Variants in MYT1L observed in about 807,000 individuals in gnomAD.
The protein encoded by MYT1L is myelin transcription factor 1 like.
A neutral mutation model predicts 126.7 loss-of-function variants in MYT1L; 12 were observed. That is an observed-to-expected ratio of 0.09 (90% CI 0.06 to 0.15). MYT1L has a LOEUF of 0.15. Among genes scored for constraint, MYT1L ranks in the 10% least tolerant of loss-of-function variants. MYT1L has a pLI of 1.00. For missense variants in MYT1L, 979 were observed against 1,585.2 expected, an observed-to-expected ratio of 0.62 and a Z score of 6.49; for synonymous variants, 541 against 604.2, an observed-to-expected ratio of 0.90 and a Z score of 1.53.
At chr2:2,012,991 A>T (rs2063985944) in intron 4 of MYT1L, among the ~76,000 whole-genome samples, 1 of 152,208 alleles carries the variant, frequency 6.6e-6, no homozygotes, top group Non-Finnish European at 1.5e-5. Context: ...TGTATGTGAA[A>T]AAACATAGTA....
chr2:2,030,892 T>C (rs1366762477), intron 4 of MYT1L, among the ~76,000 whole-genome samples: 1 of 152,232 alleles, frequency 6.6e-6, no homozygotes, highest in South Asian at 2.1e-4. Context: ...CTAATTGTTT[T>C]TCACTTCTTA....
rs144069516 is a variant in MYT1L at position 2,105,518 on chromosome 2, A to T, written c.-303-51395T>A. ...TATTTCTGCTCATGACATAAGAACAACTGCTTTCTCTCCATGTTTAATATG... is the reference window on the plus strand; with the variant it reads ...TATTTCTGCTCATGACATAAGAACATCTGCTTTCTCTCCATGTTTAATATG... On this transcript the variant is annotated intron_variant, in intron 3 of 24. Transcript: ENST00000647738. Among the ~76,000 whole-genome samples, 328 of 152,324 alleles carry T rather than the reference A, an allele frequency of 2.2e-3. 2 individuals are homozygous for T. The highest frequency in any genetic ancestry group is 6.8e-3 in the Middle Eastern group (2 of 294).
At chr2:1,935,318 CAG>C (rs1451339709) in intron 9 of MYT1L, among the ~76,000 whole-genome samples, 2 of 151,898 alleles carry the variant, frequency 1.3e-5, no homozygotes, top group African/African-American at 4.8e-5. Flanking sequence ...CTTCTGGGCA[CAG>C]AGAAAAAAAA....
chr2:2,313,006 A>C (rs1467659123), intron 1 of MYT1L, among the ~76,000 whole-genome samples: 1 of 152,190 alleles, frequency 6.6e-6, no homozygotes, highest in Non-Finnish European at 1.5e-5. Flanking sequence ...AAAAATTGTC[A>C]GTGTCCTGGG....
intron 3 of MYT1L, among the ~76,000 whole-genome samples, chr2:2,129,467 G>T (rs2082091656): frequency 6.6e-6 from 1 of 152,174 alleles, no homozygotes; most frequent in Non-Finnish European, 1.5e-5. Context: ...ATGGCAGAAA[G>T]TGTGTGATAA....
intron 8 of MYT1L, among the ~76,000 whole-genome samples, chr2:1,952,750 C>T (rs1402220298): frequency 9.7e-5 from 7 of 72,326 alleles, no homozygotes; most frequent in African/African-American, 3.9e-4. Flanking sequence ...CTTCCCTTCC[C>T]TCCCTTCCCT....
chr2:2,110,889 A>C (rs182106075), intron 3 of MYT1L, among the ~76,000 whole-genome samples: 1 of 152,224 alleles, frequency 6.6e-6, no homozygotes, highest in East Asian at 1.9e-4. Flanking sequence ...ACCACAACTG[A>C]GGTCTCAGGC....
intron 22 of MYT1L, among the ~76,000 whole-genome samples, chr2:1,805,790 G>A (rs1218684037): frequency 6.6e-6 from 1 of 152,214 alleles, no homozygotes; most frequent in Non-Finnish European, 1.5e-5. Flanking sequence ...GGAGGCTGAG[G>A]TGGGAGGATC....
chr2:2,051,793 G>T (rs2068857107), intron 4 of MYT1L, among the ~76,000 whole-genome samples: 1 of 151,896 alleles, frequency 6.6e-6, no homozygotes, highest in Admixed American at 6.6e-5. Context: ...CAGAAATAAG[G>T]TCATGGTACA....
At chr2:2,279,920 C>A (rs1030559283) in intron 2 of MYT1L, among the ~76,000 whole-genome samples, 2 of 152,002 alleles carry the variant, frequency 1.3e-5, no homozygotes, top group African/African-American at 4.8e-5. Context: ...AGAAGCAGGA[C>A]AAGTACATGG....
At chr2:1,856,150 G>T (rs2043891794) in intron 18 of MYT1L, among the ~76,000 whole-genome samples, 1 of 152,208 alleles carries the variant, frequency 6.6e-6, no homozygotes, top group Non-Finnish European at 1.5e-5. Flanking sequence ...ACGCTCAGAA[G>T]CATTTGGAAC....
At chr2:2,316,139 C>G (rs891814265) in intron 1 of MYT1L, among the ~76,000 whole-genome samples, 1 of 152,168 alleles carries the variant, frequency 6.6e-6, no homozygotes, top group Non-Finnish European at 1.5e-5. Flanking sequence ...TGGAGAGAGA[C>G]CACTGCCCAA....
At chr2:1,898,603 C>T (rs987349334) in intron 14 of MYT1L, among the ~76,000 whole-genome samples, 7 of 152,204 alleles carry the variant, frequency 4.6e-5, no homozygotes, top group Non-Finnish European at 7.3e-5. Context: ...CAGGAGCTTG[C>T]GGCCCGTGGG....
chr2:1,965,911 G>A (rs2059319058), intron 8 of MYT1L, among the ~76,000 whole-genome samples: 1 of 152,242 alleles, frequency 6.6e-6, no homozygotes, highest in Non-Finnish European at 1.5e-5. Flanking sequence ...AGGCTGCCAA[G>A]CACCCGTGTG....
At chr2:2,103,549 C>T (rs1038160908) in intron 3 of MYT1L, among the ~76,000 whole-genome samples, 24 of 152,212 alleles carry the variant, frequency 1.6e-4, no homozygotes, top group African/African-American at 5.5e-4. Flanking sequence ...TCTGATGCAC[C>T]GAGTGCCACA....
intron 1 of MYT1L, among the ~76,000 whole-genome samples, chr2:2,291,306 A>G (rs889378150): frequency 6.6e-6 from 1 of 152,200 alleles, no homozygotes; most frequent in African/African-American, 2.4e-5. Flanking sequence ...AAATCTCTTT[A>G]TGATATAAAA....
intron 1 of MYT1L, among the ~76,000 whole-genome samples, chr2:2,309,398 C>T (rs998940458): frequency 6.6e-6 from 1 of 151,776 alleles, no homozygotes; most frequent in Admixed American, 6.6e-5. Flanking sequence ...CTATCCTCCA[C>T]CTACACTTTA....
At chr2:1,915,171 T>C (rs1234568892) in intron 11 of MYT1L, among the ~76,000 whole-genome samples, 1 of 152,202 alleles carries the variant, frequency 6.6e-6, no homozygotes, top group Non-Finnish European at 1.5e-5. Context: ...TGGAATTTAG[T>C]TGGACAGAAA....
chr2:1,954,306 C>G (rs542794866), intron 8 of MYT1L, among the ~76,000 whole-genome samples: 2 of 152,320 alleles, frequency 1.3e-5, no homozygotes, highest in East Asian at 1.9e-4. Flanking sequence ...CCGTTAGATG[C>G]TCCAGCCATG....
Sources: allele counts gnomAD v4.1 joint callset (sites outside exome capture counted in the v4.1 genomes callset), GRCh38; gene constraint gnomAD v4.1.1; transcripts MANE v1.5; gene names NCBI Gene and HGNC (gene_info 2026-07-23, HGNC 2026-07-21).